The following POU6F2 variants were observed in gnomAD, a reference collection of about 807,000 sequenced individuals.
POU6F2 encodes POU domain, class 6, transcription factor 2.
In POU6F2, 31 loss-of-function variants were observed where a neutral mutation model predicts 71.3. The observed-to-expected ratio is 0.43, with a 90% CI of 0.33 to 0.59. POU6F2 has a LOEUF of 0.59. Among genes scored for constraint, POU6F2 ranks in the 20% least tolerant of loss-of-function variants. The pLI is 0.04. For synonymous variants in POU6F2, 347 were observed against 355.7 expected (o/e 0.98, Z 0.27); for missense variants, 783 against 856.8 (o/e 0.91, Z 1.07).
At chr7:39,028,854 G>C (rs1334903646) in intron 1 of POU6F2, among the ~76,000 whole-genome samples, 1 of 152,078 alleles carries the variant, frequency 6.6e-6, no homozygotes, top group Non-Finnish European at 1.5e-5. Context: ...CACCCAGGCT[G>C]TAGTGTACTG....
rs535255659 is a variant in POU6F2, at chr7:39,391,096, A to G, written c.973-15504A>G. Among the ~76,000 whole-genome samples, 4 of 152,290 alleles carry G rather than the reference A, an allele frequency of 2.6e-5. No homozygotes were observed. In the East Asian group the frequency reaches 7.7e-4, roughly 29 times the overall value. On this transcript the variant is annotated intron_variant, in intron 5 of 9. Transcript: ENST00000518318. ...TGTATAGCCACTAGCTAAAAAATACATTATTCTTAAAACATTATGAACTTC... is the reference window on the plus strand; with the variant it reads ...TGTATAGCCACTAGCTAAAAAATACGTTATTCTTAAAACATTATGAACTTC...
At chr7:39,423,989 T>C (rs1787911490) in intron 6 of POU6F2, among the ~76,000 whole-genome samples, 1 of 152,186 alleles carries the variant, frequency 6.6e-6, no homozygotes, top group Non-Finnish European at 1.5e-5. Context: ...AACAGAAATA[T>C]ATTTTTCATA....
chr7:39,278,090 AGGGAGGGAGGGAGGGAGGGG>A (rs1334288068), intron 4 of POU6F2, among the ~76,000 whole-genome samples: 1 of 14,102 alleles, frequency 7.1e-5, no homozygotes, highest in African/African-American at 2.7e-4. Flanking sequence ...CGAGAAAGAG[AGGGAGGGAGGGAGGGAGGGG>A]GGGAGGGAGG....
intron 8 of POU6F2, among the ~76,000 whole-genome samples, chr7:39,456,228 C>A (rs1175345104): frequency 6.6e-6 from 1 of 152,128 alleles, no homozygotes; most frequent in East Asian, 1.9e-4. Context: ...ATCAAGGTGG[C>A]CTTCAGATTC....
chr7:39,454,687 T>G (rs1169748982), intron 8 of POU6F2, among the ~76,000 whole-genome samples: 2,711 of 26,246 alleles, frequency 0.1, 379 homozygotes, highest in East Asian at 0.22. Context: ...TATATATATA[T>G]ATATATATAT....
At chr7:39,102,811 G>C (rs942481111) in intron 2 of POU6F2, among the ~76,000 whole-genome samples, 4 of 152,116 alleles carry the variant, frequency 2.6e-5, no homozygotes, top group Non-Finnish European at 5.9e-5. Flanking sequence ...TACACACTTA[G>C]GTTTGTATGG....
intron 4 of POU6F2, among the ~76,000 whole-genome samples, chr7:39,334,573 A>C (rs1367578423): frequency 6.6e-6 from 1 of 151,874 alleles, no homozygotes; most frequent in Non-Finnish European, 1.5e-5. Context: ...ACACTTTTTC[A>C]AAATCCCCAG....
At chr7:39,342,937 G>A (rs1038477944) in intron 5 of POU6F2, among the ~76,000 whole-genome samples, 2 of 152,300 alleles carry the variant, frequency 1.3e-5, no homozygotes, top group South Asian at 4.2e-4. Context: ...CAGGTAGGGG[G>A]ATCACTTTGT....
intron 2 of POU6F2, among the ~76,000 whole-genome samples, chr7:39,086,756 A>G (rs1328823302): frequency 6.6e-6 from 1 of 152,190 alleles, no homozygotes; most frequent in Non-Finnish European, 1.5e-5. Context: ...GACATCTGTC[A>G]TTCAAACAGA....
intron 1 of POU6F2, among the ~76,000 whole-genome samples, chr7:38,986,048 A>T (rs1418361198): frequency 6.6e-6 from 1 of 152,152 alleles, no homozygotes; most frequent in Non-Finnish European, 1.5e-5. Flanking sequence ...ATTCATTAAC[A>T]CACACGCACA....
chr7:39,463,827 A>G (rs1789003797), intron 9 of POU6F2, among the ~76,000 whole-genome samples: 6 of 152,252 alleles, frequency 3.9e-5, no homozygotes, highest in Admixed American at 3.3e-4. Flanking sequence ...TTTTGCCTTC[A>G]TGAGTCTGAG....
intron 1 of POU6F2, among the ~76,000 whole-genome samples, chr7:39,051,436 C>A (rs1346696946): frequency 6.6e-6 from 1 of 152,068 alleles, no homozygotes; most frequent in Non-Finnish European, 1.5e-5. Context: ...TTGTTACTTT[C>A]TATGTACATA....
chr7:39,197,917 A>G (rs1793819831), intron 2 of POU6F2, among the ~76,000 whole-genome samples: 1 of 152,216 alleles, frequency 6.6e-6, no homozygotes, highest in Admixed American at 6.5e-5. Flanking sequence ...TGGGAGATAC[A>G]AAATGAGTTA....
At position 39,087,175 on chromosome 7, in the gene POU6F2, T is replaced by A. The variant is rs906819352; in HGVS notation, c.277+1144T>A. Among the ~76,000 whole-genome samples the A allele has an allele frequency of 6.0e-3, 765 of 128,010 alleles. 7 individuals carry two copies. The highest frequency in any genetic ancestry group is 0.012 in the African/African-American group (378 of 30,668). The allele number at this position is 128,010 out of a possible 152,430, so 84.0% of individuals were successfully genotyped here. ...TAATTAATTAATTTATTTATTTATT[T>A]ATTTATTTATTTATTTATTTATTTT... On this transcript the variant is annotated intron_variant, in intron 2 of 9. Coordinates refer to ENST00000518318, the MANE Select transcript of POU6F2 (RefSeq NM_001370959.1).
chr7:39,230,413 A>G lies in POU6F2; in HGVS notation c.598+22793A>G, dbSNP rs542805595. Among the ~76,000 whole-genome samples the G allele has an allele frequency of 1.3e-3, 192 of 152,222 alleles. 1 individual carries two copies. Among genetic ancestry groups the G allele is most frequent in the Non-Finnish European group, 2.1e-3 (145 of 68,010 alleles). ...GGCAAAGGACCACATGAGCCCAGGA[A>G]TTCGAGGCTGCAGTGAGCTATGATC... is the stretch of plus-strand genomic sequence containing the variant. On this transcript the variant is annotated intron_variant, in intron 4 of 9. Coordinates refer to ENST00000518318, the MANE Select transcript of POU6F2 (RefSeq NM_001370959.1).
At chr7:39,284,654 G>T (rs13246220) in intron 4 of POU6F2, among the ~76,000 whole-genome samples, 97,511 of 152,040 alleles carry the variant, frequency 0.64, 31,420 homozygotes, top group South Asian at 0.77. Context: ...GAAATACACA[G>T]CTCTTTCTCT....
intron 5 of POU6F2, chr7:39,373,814 T>C (rs752976586): frequency 3.3e-4 from 61 of 182,718 alleles, no homozygotes; most frequent in Non-Finnish European, 5.8e-4. Flanking sequence ...ATAATGCCCA[T>C]ACTCTTTGTA....
At chr7:39,452,721 T>C (rs1236810109) in intron 8 of POU6F2, among the ~76,000 whole-genome samples, 1 of 152,174 alleles carries the variant, frequency 6.6e-6, no homozygotes, top group Non-Finnish European at 1.5e-5. Context: ...CTATATTCAA[T>C]TATACTGATA....
chr7:39,342,281 A>C (rs189241104), intron 5 of POU6F2, among the ~76,000 whole-genome samples: 3 of 152,208 alleles, frequency 2.0e-5, no homozygotes, highest in Non-Finnish European at 4.4e-5. Flanking sequence ...GTTTAAAAAA[A>C]ATTTTTACAC....
Sources: gnomAD v4.1 joint callset for allele counts (sites outside exome capture counted in the v4.1 genomes callset) on GRCh38, gnomAD v4.1.1 for gene constraint, MANE v1.5 for transcripts, NCBI Gene and HGNC (gene_info 2026-07-23, HGNC 2026-07-21) for gene names.